The following SYN3 variants were observed in gnomAD, a reference collection of about 807,000 sequenced individuals.
SYN3 encodes synapsin III.
SYN3 carries 35 observed loss-of-function variants against 65.8 expected under a neutral mutation model. The ratio of observed to expected loss-of-function variants is 0.53; its 90% confidence interval spans 0.41 to 0.70. The LOEUF (loss-of-function observed/expected upper bound fraction) is 0.70. Among genes scored for constraint, SYN3 ranks in the 30% least tolerant of loss-of-function variants. SYN3 has a pLI of 0.00. For missense variants in SYN3, 680 were observed against 749.0 expected (o/e 0.91, Z 1.08); for synonymous variants, 270 against 292.9 (o/e 0.92, Z 0.80).
intron 1 of SYN3, among the ~76,000 whole-genome samples, chr22:33,025,425 C>G (rs1010963563): frequency 9.1e-6 from 1 of 109,498 alleles, no homozygotes; most frequent in Non-Finnish European, 1.8e-5. Flanking sequence ...CAGTGCAAGA[C>G]TCCGTCTCAA....
chr22:32,535,134 G>C (rs1184312537), intron 9 of SYN3, among the ~76,000 whole-genome samples: 13 of 152,158 alleles, frequency 8.5e-5, no homozygotes, highest in Non-Finnish European at 4.4e-5. Context: ...ATGATTAAGT[G>C]ACTGTACCGC....
At chr22:32,642,001 G>C (rs1203127741) in intron 6 of SYN3, among the ~76,000 whole-genome samples, 1 of 151,996 alleles carries the variant, frequency 6.6e-6, no homozygotes, top group Non-Finnish European at 1.5e-5. Flanking sequence ...TTAAGTTTCC[G>C]GTTAAGGCCC....
rs541820609 is a variant in SYN3, at chr22:32,811,491, G to A, written c.711+53424C>T. Among the ~76,000 whole-genome samples the A allele has an allele frequency of 5.6e-4, 86 of 152,254 alleles. 1 individual carries two copies. Among genetic ancestry groups the A allele is most frequent in the African/African-American group, 2.0e-3 (84 of 41,546 alleles). Reference sequence around the variant, plus strand: ...TTTCCAGGGTCATATAGAGAGAGCTGAGTTTCAATTCAAAATCGTGGTTTG... The same window carrying A: ...TTTCCAGGGTCATATAGAGAGAGCTAAGTTTCAATTCAAAATCGTGGTTTG... On this transcript the variant is annotated intron_variant, in intron 6 of 13. Coordinates refer to ENST00000358763, the MANE Select transcript of SYN3 (RefSeq NM_003490.4).
intron 6 of SYN3, among the ~76,000 whole-genome samples, chr22:32,708,249 T>G (rs1030437716): frequency 2.6e-5 from 4 of 152,244 alleles, no homozygotes; most frequent in Non-Finnish European, 4.4e-5. Flanking sequence ...TTACTGGCAT[T>G]GTTTAGAAAC....
At chr22:32,906,661 C>G (rs1378455299) in intron 4 of SYN3, among the ~76,000 whole-genome samples, 4 of 152,042 alleles carry the variant, frequency 2.6e-5, no homozygotes, top group Non-Finnish European at 5.9e-5. Flanking sequence ...TCCCCTTGCC[C>G]CCCACCCCCC....
chr22:32,616,630 T>C (rs1317580513), intron 6 of SYN3, among the ~76,000 whole-genome samples: 1 of 150,572 alleles, frequency 6.6e-6, no homozygotes, highest in Non-Finnish European at 1.5e-5. Flanking sequence ...GGGGACCAGA[T>C]CGCCTCTCTG....
At chr22:32,712,466 C>G (rs5994608) in intron 6 of SYN3, among the ~76,000 whole-genome samples, 18 of 152,320 alleles carry the variant, frequency 1.2e-4, no homozygotes, top group African/African-American at 4.3e-4. Flanking sequence ...CTGCTACTGA[C>G]TGCTTGACTG....
At chr22:32,876,586 C>A (rs2048988519) in intron 4 of SYN3, among the ~76,000 whole-genome samples, 1 of 142,252 alleles carries the variant, frequency 7.0e-6, no homozygotes. Context: ...TTGGTACTGC[C>A]TGCATTGTTA....
intron 6 of SYN3, among the ~76,000 whole-genome samples, chr22:32,736,023 A>G (rs2061333156): frequency 6.6e-6 from 1 of 152,220 alleles, no homozygotes; most frequent in African/African-American, 2.4e-5. Context: ...GATTTCCTAG[A>G]ATCAGAGGTA....
chr22:32,790,786 A>G (rs920942911), intron 6 of SYN3, among the ~76,000 whole-genome samples: 4 of 152,294 alleles, frequency 2.6e-5, no homozygotes, highest in East Asian at 3.9e-4. Flanking sequence ...ATGTATAACA[A>G]TAGGCTCTGA....
chr22:32,806,773 T>C (rs2145958852), intron 6 of SYN3, among the ~76,000 whole-genome samples: 1 of 148,022 alleles, frequency 6.8e-6, no homozygotes, highest in Non-Finnish European at 1.5e-5. Context: ...TCCATTTCTA[T>C]TTATCATTTA....
rs542735009 is a variant in SYN3, at chr22:32,956,685, G to A, written c.369+23960C>T. 4.6e-5 allele frequency among the ~76,000 whole-genome samples: 7 copies of A among 152,264 alleles called. No individual in the cohort carries two copies. The East Asian group carries it at 1.2e-3, about 25-fold the overall frequency. On this transcript the variant is annotated intron_variant, in intron 3 of 13. Coordinates refer to ENST00000358763, the MANE Select transcript of SYN3 (RefSeq NM_003490.4). ...TTTGTTCACCCATTCATCTGCTGAT[G>A]GACATCTGGGTTGTTTCCACCTTTT...
rs1483376430 is a variant in SYN3 at position 32,837,358 on chromosome 22, G to C, written c.711+27557C>G. On this transcript the variant is annotated intron_variant, in intron 6 of 13. Coordinates refer to ENST00000358763, the MANE Select transcript of SYN3 (RefSeq NM_003490.4). This position sits in a 1 kb window ranked among gnomAD's most constrained non-coding sequence, Gnocchi z 4.1. ...TCAGCCCCCCTCACCGAGTGCACTT[G>C]CATGGCAGTAAGCAAGTCGGCGCCT... Among the ~76,000 whole-genome samples, 3 of 151,966 alleles carry C rather than the reference G, an allele frequency of 2.0e-5. No homozygotes were observed.
Position 32,892,809 on chromosome 22 carries a change from G to A in SYN3, c.462-23684C>T, listed in dbSNP as rs576861143. Among the ~76,000 whole-genome samples the A allele has an allele frequency of 1.3e-3, 203 of 152,266 alleles. 1 individual carries two copies. The highest frequency in any genetic ancestry group is 4.7e-3 in the African/African-American group (197 of 41,558). ...TATCAGGGAGGCTGCATGAATGCCAGTTTGCTGAAGCCTGGAGATTATCTG... is the reference window on the plus strand; with the variant it reads ...TATCAGGGAGGCTGCATGAATGCCAATTTGCTGAAGCCTGGAGATTATCTG... On this transcript the variant is annotated intron_variant, in intron 4 of 13. Transcript: ENST00000358763.
chr22:32,646,717 C>T (rs1248423748), intron 6 of SYN3, among the ~76,000 whole-genome samples: 1 of 152,162 alleles, frequency 6.6e-6, no homozygotes, highest in African/African-American at 2.4e-5. Context: ...GATTGAGGCA[C>T]TTCTGATTTG....
chr22:32,932,969 T>C (rs2050674686), intron 3 of SYN3, among the ~76,000 whole-genome samples: 1 of 152,156 alleles, frequency 6.6e-6, no homozygotes, highest in Non-Finnish European at 1.5e-5. Context: ...TCCTTCTATA[T>C]CCAAAGCTCC....
intron 6 of SYN3, among the ~76,000 whole-genome samples, chr22:32,731,369 C>CT (rs1297183336): frequency 1.3e-5 from 2 of 152,092 alleles, no homozygotes; most frequent in African/African-American, 4.8e-5. Flanking sequence ...GAAAAAGTAA[C>CT]TTTTTTTCTG....
At chr22:32,656,382 T>G (rs1324892276) in intron 6 of SYN3, among the ~76,000 whole-genome samples, 1 of 152,162 alleles carries the variant, frequency 6.6e-6, no homozygotes, top group Non-Finnish European at 1.5e-5. Flanking sequence ...AGCGACATGA[T>G]GTATATCAAG....
chr22:32,907,105 C>A (rs1451630251), intron 4 of SYN3, among the ~76,000 whole-genome samples: 1 of 152,190 alleles, frequency 6.6e-6, no homozygotes, highest in Non-Finnish European at 1.5e-5. Flanking sequence ...AATGGTTGAA[C>A]TAATTTACAT....
Sources: gnomAD v4.1 joint callset for allele counts (sites outside exome capture counted in the v4.1 genomes callset) on GRCh38, gnomAD v4.1.1 for gene constraint, Gnocchi (gnomAD v3.1) non-coding constraint, MANE v1.5 for transcripts, NCBI Gene and HGNC (gene_info 2026-07-23, HGNC 2026-07-21) for gene names.